STK38L: variants seen among roughly 807,000 people sequenced by gnomAD.
STK38L encodes serine/threonine-protein kinase 38-like.
Under a neutral mutation model 59.7 loss-of-function variants are expected in STK38L, and 28 were observed. The observed-to-expected ratio is 0.47, with a 90% CI of 0.35 to 0.64. The LOEUF is 0.64. STK38L is among the 30% of genes least tolerant of loss of function. STK38L has a pLI of 0.01. For synonymous variants in STK38L, 162 were observed against 176.8 expected, an observed-to-expected ratio of 0.92 and a Z score of 0.66; for missense variants, 314 against 555.8, an observed-to-expected ratio of 0.56 and a Z score of 4.37.
At position 27,321,955 on chromosome 12, in the gene STK38L, G is replaced by T. The variant is rs547840747; in HGVS notation, c.1176-188G>T. Among the ~76,000 whole-genome samples, 4 of 152,148 alleles carry T rather than the reference G, an allele frequency of 2.6e-5. No homozygotes were observed. The East Asian group carries it at 7.7e-4, about 29-fold the overall frequency. On this transcript the variant is annotated intron_variant, in intron 12 of 13. Coordinates refer to ENST00000389032, the MANE Select transcript of STK38L (RefSeq NM_015000.4). ...AAAATATTTAAAATTCTAAGTAAAT[G>T]AAAACATTTTAATAAAAAATTATAC...
At position 27,315,042 on chromosome 12, in the gene STK38L, T is replaced by G. The variant is rs1417705057; in HGVS notation, c.700T>G (p.Leu234Val). ...TCATGTAAAATTATCTGATTTTGGT[T>G]TATGTACGGGATTAAAGAAAGCTCA... is the stretch of plus-strand genomic sequence containing the variant. ...KGHVKLSDFG[L>V]CTGLKKAHRT... Residue 234 changes from leucine to valine, a missense_variant, in exon 8 of 14, where the codon TTA becomes GTA. By Grantham distance (32) the Leu-to-Val change is conservative. Coordinates refer to ENST00000389032, the MANE Select transcript of STK38L (RefSeq NM_015000.4). 1 of 1,611,102 alleles carries G rather than the reference T, an allele frequency of 6.2e-7. No individual in the cohort carries two copies. The highest frequency in any genetic ancestry group is 1.7e-5 in the Admixed American group (1 of 59,554).
At chr12:27,276,377 C>G (rs1943538183) in intron 1 of STK38L, among the ~76,000 whole-genome samples, 2 of 151,956 alleles carry the variant, frequency 1.3e-5, no homozygotes. Context: ...AATAACGAAG[C>G]CCATTGAAGA....
intron 6 of STK38L, among the ~76,000 whole-genome samples, chr12:27,313,365 GGTTTTGTTTT>G (rs201429443): frequency 1.7e-4 from 26 of 151,906 alleles, no homozygotes; most frequent in Admixed American, 7.2e-4. Flanking sequence ...AAGAATTCTG[GGTTTTGTTTT>G]GTTTTGTTTT....
At chr12:27,273,592 ATTT>A (rs1943470039) in intron 1 of STK38L, among the ~76,000 whole-genome samples, 1 of 152,164 alleles carries the variant, frequency 6.6e-6, no homozygotes, top group Non-Finnish European at 1.5e-5. Flanking sequence ...TGAATTATTT[ATTT>A]TTATTATTGT....
At chr12:27,285,101 A>G (rs61915912) in intron 1 of STK38L, among the ~76,000 whole-genome samples, 13,901 of 152,244 alleles carry the variant, frequency 0.091, 820 homozygotes, top group Non-Finnish European at 0.13. Flanking sequence ...TCGTGATACC[A>G]TATTTTAATT....
intron 1 of STK38L, among the ~76,000 whole-genome samples, chr12:27,291,896 A>G (rs1010204936): frequency 3.3e-5 from 5 of 152,182 alleles, no homozygotes; most frequent in African/African-American, 7.2e-5. Flanking sequence ...AAGCAGTTCT[A>G]TTTTCTTCCT....
At chr12:27,292,047 A>G (rs1943908243) in intron 1 of STK38L, among the ~76,000 whole-genome samples, 1 of 152,258 alleles carries the variant, frequency 6.6e-6, no homozygotes, top group Non-Finnish European at 1.5e-5. Flanking sequence ...ATTAATGAAT[A>G]GAGCAGTCTG....
rs12314190 is a variant in STK38L, at chr12:27,293,346, G to A, written c.-11-4364G>A. The stretch of plus-strand genomic sequence containing the variant: ...CAGTGGACATAGGTGCTCTAGGCAA[G>A]ATAGCCATCAGCCTTGTGTGTTTTA... On this transcript the variant is annotated intron_variant, in intron 1 of 13. Transcript: ENST00000389032. Among the ~76,000 whole-genome samples, 246 of 152,336 alleles carry A rather than the reference G, an allele frequency of 1.6e-3. 1 individual carries two copies. Among genetic ancestry groups the A allele is most frequent in the African/African-American group, 5.7e-3 (239 of 41,582 alleles).
In STK38L at chr12:27,307,024, C is replaced by T. The variant is rs113718628; in HGVS notation, c.187-1315C>T. Among the ~76,000 whole-genome samples the T allele has an allele frequency of 3.9e-5, 6 of 152,240 alleles. 1 individual carries two copies. Among genetic ancestry groups the T allele is most frequent in the African/African-American group, 9.6e-5 (4 of 41,546 alleles). On this transcript the variant is annotated intron_variant, in intron 3 of 13. Transcript: ENST00000389032. ...GATTATAGGCGTGAGCCACCACACC[C>T]GGCTTATCGCCTCACTTCTTACTGA...
chr12:27,249,447 C>T (rs977508894), intron 1 of STK38L, among the ~76,000 whole-genome samples: 5 of 152,346 alleles, frequency 3.3e-5, no homozygotes, highest in Non-Finnish European at 7.3e-5. Flanking sequence ...AAGTGATTCT[C>T]TTGCCTCAGC....
At chr12:27,310,214 G>T (rs1382116543) in intron 5 of STK38L, among the ~76,000 whole-genome samples, 2 of 152,160 alleles carry the variant, frequency 1.3e-5, no homozygotes, top group African/African-American at 4.8e-5. Flanking sequence ...GACAGGCTAT[G>T]ATTCCCCAGA....
At chr12:27,246,470 G>C (rs1262012682) in intron 1 of STK38L, among the ~76,000 whole-genome samples, 2 of 152,290 alleles carry the variant, frequency 1.3e-5, no homozygotes, top group East Asian at 3.9e-4. Context: ...TTGTTGTCTA[G>C]CATCCTTAGG....
At chr12:27,278,480 C>T (rs185352226) in intron 1 of STK38L, among the ~76,000 whole-genome samples, 76 of 152,234 alleles carry the variant, frequency 5.0e-4, no homozygotes, top group African/African-American at 1.6e-3. Context: ...TTAGCATGCT[C>T]ATATCATGTC....
At chr12:27,309,220 A>G in intron 5 of STK38L, 23 bp downstream of exon 5, 3 of 1,540,350 alleles carry the variant, frequency 1.9e-6, no homozygotes, top group Non-Finnish European at 2.7e-6. Context: ...TAACACATGT[A>G]ATATAAAGGA....
At chr12:27,315,983 C>T (rs1029972967) in intron 9 of STK38L, among the ~76,000 whole-genome samples, 8 of 152,184 alleles carry the variant, frequency 5.3e-5, no homozygotes, top group South Asian at 2.1e-4. Context: ...CAACAGTCTA[C>T]AGGTTAAGAA....
At chr12:27,245,182 G>A (rs913195597) in intron 1 of STK38L, among the ~76,000 whole-genome samples, 1 of 152,144 alleles carries the variant, frequency 6.6e-6, no homozygotes, top group Non-Finnish European at 1.5e-5. Flanking sequence ...GTGGGGGGAG[G>A]GCTAGTGGCT....
chr12:27,253,986 G>C (rs763137235), intron 1 of STK38L, among the ~76,000 whole-genome samples: 1 of 152,170 alleles, frequency 6.6e-6, no homozygotes, highest in Non-Finnish European at 1.5e-5. Context: ...GTGCAGTGCT[G>C]GTGATAAATT....
intron 6 of STK38L, among the ~76,000 whole-genome samples, chr12:27,313,909 A>C (rs1460579368): frequency 6.6e-6 from 1 of 152,070 alleles, no homozygotes; most frequent in Non-Finnish European, 1.5e-5. Context: ...ATTTTTTTGC[A>C]GTTTGACATT....
At chr12:27,263,477 G>T (rs1943243953) in intron 1 of STK38L, among the ~76,000 whole-genome samples, 1 of 152,224 alleles carries the variant, frequency 6.6e-6, no homozygotes, top group African/African-American at 2.4e-5. Flanking sequence ...CTTGGAAGAT[G>T]CTTTGAGGAC....
Sources: gnomAD v4.1 joint callset for allele counts (sites outside exome capture counted in the v4.1 genomes callset) on GRCh38, gnomAD v4.1.1 for gene constraint, MANE v1.5 for transcripts, NCBI Gene and HGNC (gene_info 2026-07-23, HGNC 2026-07-21) for gene names.